Variants in ZNF346 observed in about 807,000 individuals in gnomAD.
ZNF346 encodes the protein zinc finger protein 346.
In ZNF346, 23 loss-of-function variants were observed where a neutral mutation model predicts 33.7. That is an observed-to-expected ratio of 0.68 (90% CI 0.49 to 0.97). The LOEUF (loss-of-function observed/expected upper bound fraction) is 0.97, where lower values mean the gene tolerates loss of function less well. Among genes scored for constraint, ZNF346 ranks in the 50% least tolerant of loss-of-function variants. The probability of loss-of-function intolerance (pLI) is 0.00; values close to 1 mark genes in which losing one functional copy is unlikely to be tolerated. For synonymous variants in ZNF346, 134 were observed against 142.4 expected (o/e 0.94, Z 0.42); for missense variants, 340 against 371.1 (o/e 0.92, Z 0.69).
At position 177,077,251 on chromosome 5, in the gene ZNF346, C is replaced by T. The variant is rs554673476; in HGVS notation, c.*3-2131C>T. On this transcript the variant is annotated intron_variant, in intron 8 of 8. Coordinates refer to the ZNF346 transcript ENST00000503039. This position sits in a 1 kb window ranked among gnomAD's most constrained non-coding sequence, Gnocchi z 5.0. ...TAGCAGTGAAAACAGGATGAATTTGCTGCCATGTAAACAAATGAGTACTAT... is the reference window on the plus strand; with the variant it reads ...TAGCAGTGAAAACAGGATGAATTTGTTGCCATGTAAACAAATGAGTACTAT... 3.9e-5 allele frequency among the ~76,000 whole-genome samples: 6 copies of T among 152,262 alleles called. No homozygotes were observed. The highest frequency in any genetic ancestry group is 5.9e-5 in the Non-Finnish European group (4 of 68,018).
intron 1 of ZNF346, among the ~76,000 whole-genome samples, chr5:177,030,426 A>G (rs570681818): frequency 2.0e-5 from 3 of 151,262 alleles, no homozygotes; most frequent in Admixed American, 6.6e-5. Flanking sequence ...CAAGACCAGC[A>G]TGGCCAATAT....
chr5:177,035,038 A>G (rs1234567714), intron 1 of ZNF346, among the ~76,000 whole-genome samples: 1 of 144,848 alleles, frequency 6.9e-6, no homozygotes, highest in Non-Finnish European at 1.5e-5. Context: ...TTTTTTTGAG[A>G]TGGAGTCTTA....
chr5:177,022,935 C>T, intron 1 of ZNF346, 22 bp downstream of exon 1: 1 of 1,452,140 alleles, frequency 6.9e-7, no homozygotes, highest in Non-Finnish European at 9.1e-7. Flanking sequence ...GCTTTGGAGG[C>T]AGAAAGCCCC....
At chr5:177,056,213 G>C (rs1348146936) in intron 5 of ZNF346, among the ~76,000 whole-genome samples, 1 of 152,154 alleles carries the variant, frequency 6.6e-6, no homozygotes, top group East Asian at 1.9e-4. Flanking sequence ...GGGCGACAGA[G>C]CAAGGCTCCA....
chr5:177,047,141 TG>T (rs1780166610), intron 4 of ZNF346, among the ~76,000 whole-genome samples: 1 of 151,724 alleles, frequency 6.6e-6, no homozygotes, highest in Non-Finnish European at 1.5e-5. Context: ...CTCCGCCTCC[TG>T]GGTTCAAGCG....
chr5:177,055,076 C>T (rs953429214), intron 5 of ZNF346, among the ~76,000 whole-genome samples: 3 of 147,042 alleles, frequency 2.0e-5, no homozygotes, highest in African/African-American at 5.1e-5. Context: ...TTCTGTCACT[C>T]AGGCTGGAGT....
intron 8 of ZNF346, among the ~76,000 whole-genome samples, chr5:177,076,561 C>G (rs575742671): frequency 6.6e-6 from 1 of 152,148 alleles, no homozygotes; most frequent in East Asian, 1.9e-4. Flanking sequence ...CCCTTTACCC[C>G]AACGTTTCCT....
chr5:177,053,375 T>C (rs1781237387), intron 5 of ZNF346, among the ~76,000 whole-genome samples: 1 of 149,078 alleles, frequency 6.7e-6, no homozygotes, highest in South Asian at 2.1e-4. Context: ...GGTCATGAGC[T>C]CTTGGGTTCA....
intron 5 of ZNF346, among the ~76,000 whole-genome samples, chr5:177,059,207 C>G (rs1055718149): frequency 2.6e-5 from 4 of 152,188 alleles, no homozygotes; most frequent in African/African-American, 9.7e-5. Flanking sequence ...CTGACAATAA[C>G]TGTTGAACAA....
chr5:177,045,386 G>A (rs977146416), intron 4 of ZNF346, among the ~76,000 whole-genome samples: 2 of 151,250 alleles, frequency 1.3e-5, no homozygotes, highest in African/African-American at 2.4e-5. Flanking sequence ...ATGGAGTCTC[G>A]CTCTGTTGCC....
intron 5 of ZNF346, among the ~76,000 whole-genome samples, chr5:177,058,134 T>C (rs1781995089): frequency 6.6e-6 from 1 of 151,460 alleles, no homozygotes; most frequent in Admixed American, 6.6e-5. Flanking sequence ...GGTCATAGAT[T>C]TTCAAGAGGA....
At chr5:177,051,053 A>G in intron 5 of ZNF346, 117 bp downstream of exon 5, 1 of 703,420 alleles carries the variant, frequency 1.4e-6, no homozygotes, top group South Asian at 1.8e-5. Flanking sequence ...TTGCGAACTC[A>G]GATGGCTACA....
intron 1 of ZNF346, among the ~76,000 whole-genome samples, chr5:177,032,152 G>A (rs1031616571): frequency 2.0e-5 from 3 of 150,920 alleles, no homozygotes; most frequent in East Asian, 3.9e-4. Context: ...ATAGGTATGC[G>A]CCACCACACC....
intron 5 of ZNF346, among the ~76,000 whole-genome samples, chr5:177,057,251 A>T (rs778967213): frequency 5.3e-5 from 8 of 152,116 alleles, no homozygotes; most frequent in Non-Finnish European, 1.0e-4. Context: ...CTGAGATCGC[A>T]CTATTGCACT....
chr5:177,024,081 T>C (rs1042217361), intron 1 of ZNF346, among the ~76,000 whole-genome samples: 7 of 146,890 alleles, frequency 4.8e-5, no homozygotes, highest in African/African-American at 1.7e-4. Flanking sequence ...TACACACACA[T>C]AAATGTATAT....
chr5:177,032,130 G>T (rs2149596020), intron 1 of ZNF346, among the ~76,000 whole-genome samples: 1 of 147,700 alleles, frequency 6.8e-6, no homozygotes, highest in South Asian at 2.1e-4. Context: ...AGCCTCCCGA[G>T]TAACTGGGAT....
chr5:177,068,330 C>T (rs73343964), downstream of ZNF346, among the ~76,000 whole-genome samples: 1,720 of 144,160 alleles, frequency 0.012, 392 homozygotes, highest in African/African-American at 0.038. Context: ...CAAATCAAAG[C>T]GATTAGCTAA....
At chr5:177,050,085 T>C (rs1321538550) in intron 4 of ZNF346, among the ~76,000 whole-genome samples, 1 of 152,264 alleles carries the variant, frequency 6.6e-6, no homozygotes, top group African/African-American at 2.4e-5. Flanking sequence ...TCCGCCTGCC[T>C]TGGCCTCCTG....
rs547510697 is a variant in ZNF346 at position 177,066,485 on chromosome 5, T to C, written c.*1886T>C. On this transcript the variant is annotated 3_prime_UTR_variant, in exon 7 of 7. Coordinates refer to ENST00000358149, the MANE Select transcript of ZNF346 (RefSeq NM_012279.4). ...GAGATGGTTTTCTCCTGCTCAGCTCTTACACAGTGATAGGTTTGTTCCATG... is the reference window on the plus strand; with the variant it reads ...GAGATGGTTTTCTCCTGCTCAGCTCCTACACAGTGATAGGTTTGTTCCATG... Among the ~76,000 whole-genome samples the C allele has an allele frequency of 3.0e-4, 45 of 152,268 alleles. No individual in the cohort carries two copies. Among genetic ancestry groups the C allele is most frequent in the African/African-American group, 1.1e-3 (44 of 41,566 alleles).
Sources: gnomAD v4.1 joint callset for allele counts (sites outside exome capture counted in the v4.1 genomes callset) on GRCh38, gnomAD v4.1.1 for gene constraint, Gnocchi (gnomAD v3.1) non-coding constraint, MANE v1.5 for transcripts, NCBI Gene and HGNC (gene_info 2026-07-23, HGNC 2026-07-21) for gene names.